The following NECAB1 variants were observed in gnomAD, a reference collection of about 807,000 sequenced individuals.
NECAB1 encodes N-terminal EF-hand calcium-binding protein 1.
NECAB1 carries 29 observed loss-of-function variants against 57.5 expected under a neutral mutation model. The ratio of observed to expected loss-of-function variants is 0.50; its 90% CI spans 0.38 to 0.69. NECAB1 has a LOEUF of 0.69. Among genes scored for constraint, NECAB1 ranks in the 30% least tolerant of loss-of-function variants. NECAB1 has a pLI of 0.00. For missense variants in NECAB1, 372 were observed against 413.8 expected, an observed-to-expected ratio of 0.90 and a Z score of 0.88; for synonymous variants, 142 against 147.7, an observed-to-expected ratio of 0.96 and a Z score of 0.28.
intron 5 of NECAB1, among the ~76,000 whole-genome samples, chr8:90,894,526 A>G: frequency 6.6e-6 from 1 of 152,106 alleles, no homozygotes; most frequent in East Asian, 1.9e-4. Flanking sequence ...TTTCATTGTC[A>G]GATGTTGGGA....
At chr8:90,879,941 T>C (rs536296885) in intron 4 of NECAB1, among the ~76,000 whole-genome samples, 121 of 152,358 alleles carry the variant, frequency 7.9e-4, no homozygotes, top group African/African-American at 2.7e-3. Flanking sequence ...GTATACAGAC[T>C]GTATTTTGAC....
chr8:90,806,299 G>C (rs962049932), intron 2 of NECAB1, among the ~76,000 whole-genome samples: 1 of 152,168 alleles, frequency 6.6e-6, no homozygotes, highest in Non-Finnish European at 1.5e-5. Flanking sequence ...TATTAAATTT[G>C]TGAGAGCAGA....
At chr8:90,827,542 T>C (rs899911499) in intron 3 of NECAB1, among the ~76,000 whole-genome samples, 7 of 152,012 alleles carry the variant, frequency 4.6e-5, no homozygotes, top group African/African-American at 1.7e-4. Context: ...TCTAAGACAG[T>C]GTTACCCAAT....
At chr8:90,859,442 G>A (rs1322049273) in intron 3 of NECAB1, among the ~76,000 whole-genome samples, 2 of 152,150 alleles carry the variant, frequency 1.3e-5, no homozygotes, top group African/African-American at 2.4e-5. Context: ...TTGTAGAGTG[G>A]GGAAAGAATG....
At chr8:90,822,675 G>A (rs56201758) in intron 2 of NECAB1, among the ~76,000 whole-genome samples, 23,086 of 151,304 alleles carry the variant, frequency 0.15, 3,210 homozygotes, top group African/African-American at 0.38. Context: ...GTATTACAGG[G>A]GCCCACCCTA....
chr8:90,869,376 A>G (rs1808579769), intron 3 of NECAB1, among the ~76,000 whole-genome samples: 2 of 152,170 alleles, frequency 1.3e-5, no homozygotes, highest in African/African-American at 4.8e-5. Context: ...CAGAATGGTA[A>G]ATCCACTGAC....
rs569180867 is a variant in NECAB1, at chr8:90,869,878, G to A, written c.234-2250G>A. On this transcript the variant is annotated intron_variant, in intron 3 of 12. Coordinates refer to ENST00000417640, the MANE Select transcript of NECAB1 (RefSeq NM_022351.5). Reference sequence around the variant, plus strand: ...GGACATGAGATTTGGGAGGCATAGGGGAGGAATGATATGGTTTGGCTTTCT... The same window carrying A: ...GGACATGAGATTTGGGAGGCATAGGAGAGGAATGATATGGTTTGGCTTTCT... 7.2e-4 allele frequency among the ~76,000 whole-genome samples: 109 copies of A among 152,112 alleles called. 2 individuals carry two copies. The South Asian group carries it at 0.012, about 17-fold the overall frequency.
chr8:90,882,832 G>A (rs1004987953), intron 5 of NECAB1, among the ~76,000 whole-genome samples: 12 of 151,990 alleles, frequency 7.9e-5, no homozygotes, highest in Middle Eastern at 3.4e-3. Flanking sequence ...TTGGCTTACC[G>A]TGTTTACTCT....
Position 90,850,421 on chromosome 8 carries a change from A to G in NECAB1, c.234-21707A>G, listed in dbSNP as rs371908634. Among the ~76,000 whole-genome samples the G allele has an allele frequency of 1.4e-4, 21 of 152,340 alleles. No individual in the cohort carries two copies. In the East Asian group the frequency reaches 2.5e-3, roughly 18 times the overall value. ...AATCAGTAAAATTAATGAACAACAGAAAGAAGATTTAGGCTTGAAAAGATC... is the reference window on the plus strand; with the variant it reads ...AATCAGTAAAATTAATGAACAACAGGAAGAAGATTTAGGCTTGAAAAGATC... On this transcript the variant is annotated intron_variant, in intron 3 of 12. Coordinates refer to ENST00000417640, the MANE Select transcript of NECAB1 (RefSeq NM_022351.5).
At chr8:90,886,332 A>G (rs754630917) in intron 5 of NECAB1, among the ~76,000 whole-genome samples, 44 of 151,930 alleles carry the variant, frequency 2.9e-4, no homozygotes, top group Non-Finnish European at 5.7e-4. Flanking sequence ...TTCTTGATTG[A>G]CACTTAAAAT....
intron 2 of NECAB1, chr8:90,813,234 T>TATACACACAC (rs1243012126): frequency 3.5e-5 from 3 of 85,532 alleles, no homozygotes; most frequent in Non-Finnish European, 6.9e-5. Flanking sequence ...TATGTATATA[T>TATACACACAC]ACACACACAC....
Position 90,872,121 on chromosome 8 carries a change from T to A in NECAB1, c.234-7T>A. ...TAACACTGTTTTTTTTTGTTTCATC[T>A]TTTCAGTAATCTTGACACAGAAGAG... is the stretch of plus-strand genomic sequence containing the variant. On this transcript the variant is annotated splice_polypyrimidine_tract_variant and splice_region_variant and intron_variant, in intron 3 of 12. Transcript: ENST00000417640. 1 of 1,545,318 alleles carries A rather than the reference T, an allele frequency of 6.5e-7. No individual in the cohort carries two copies. The highest frequency in any genetic ancestry group is 8.7e-7 in the Non-Finnish European group (1 of 1,143,260).
At chr8:90,913,310 G>T (rs193129993) in intron 5 of NECAB1, among the ~76,000 whole-genome samples, 17 of 152,250 alleles carry the variant, frequency 1.1e-4, no homozygotes, top group African/African-American at 3.4e-4. Context: ...AGACAAAAAT[G>T]GAGGTATTAA....
intron 5 of NECAB1, among the ~76,000 whole-genome samples, chr8:90,894,029 T>C (rs1809261410): frequency 6.6e-6 from 1 of 152,164 alleles, no homozygotes; most frequent in Admixed American, 6.5e-5. Context: ...ATGATAGGCA[T>C]AGGTGAGTAA....
Position 90,955,557 on chromosome 8 carries a change from G to A in NECAB1, c.*45G>A. On this transcript the variant is annotated 3_prime_UTR_variant, in exon 13 of 13. Transcript: ENST00000417640. ...TTATGGTTCCAAGTGCAAAACAGGT[G>A]TTCTTATCTAAAACGTCAATTAGAA... The A allele has an allele frequency of 6.9e-7, 1 of 1,451,582 alleles. No individual in the cohort carries two copies. Among genetic ancestry groups the A allele is most frequent in the East Asian group, 2.5e-5 (1 of 39,648 alleles). 89.9% of individuals were successfully genotyped at this position (1,451,582 alleles called of 1,614,324 possible).
chr8:90,875,720 G>A (rs1808711807), intron 4 of NECAB1, among the ~76,000 whole-genome samples: 1 of 149,522 alleles, frequency 6.7e-6, no homozygotes, highest in Non-Finnish European at 1.5e-5. Flanking sequence ...GATAAAAACT[G>A]AGGGTACGGG....
intron 3 of NECAB1, among the ~76,000 whole-genome samples, chr8:90,841,842 T>C (rs1033583089): frequency 6.6e-6 from 1 of 152,206 alleles, no homozygotes; most frequent in Admixed American, 6.5e-5. Flanking sequence ...ATCTCAGGCC[T>C]GAGAAATAAA....
chr8:90,825,433 T>C (rs1347278990), intron 3 of NECAB1, among the ~76,000 whole-genome samples: 1 of 151,904 alleles, frequency 6.6e-6, no homozygotes, highest in Non-Finnish European at 1.5e-5. Context: ...ATGAGGACTT[T>C]AGGGTATAGA....
intron 5 of NECAB1, among the ~76,000 whole-genome samples, chr8:90,884,821 A>C (rs1272314481): frequency 6.6e-6 from 1 of 152,060 alleles, no homozygotes; most frequent in East Asian, 1.9e-4. Context: ...ATAGGAGAGA[A>C]GTGTCTTGAG....
Sources: gnomAD v4.1 joint callset for allele counts (sites outside exome capture counted in the v4.1 genomes callset) on GRCh38, gnomAD v4.1.1 for gene constraint, MANE v1.5 for transcripts, NCBI Gene and HGNC (gene_info 2026-07-23, HGNC 2026-07-21) for gene names.